DDAH1: variants seen among roughly 807,000 people sequenced by gnomAD.
DDAH1 encodes dimethylarginine dimethylaminohydrolase 1.
DDAH1 carries 19 observed loss-of-function variants against 28.8 expected under a neutral mutation model. The ratio of observed to expected loss-of-function variants is 0.66; its 90% CI spans 0.46 to 0.97. The LOEUF is 0.97. Ranked by LOEUF, DDAH1 falls within the 50% of genes least tolerant of loss-of-function variation. DDAH1 has a pLI of 0.00. For synonymous variants in DDAH1, 153 were observed against 154.4 expected (o/e 0.99, Z 0.07); for missense variants, 326 against 375.9 (o/e 0.87, Z 1.10).
chr1:85,444,671 G>T (rs1241685158), intron 1 of DDAH1, among the ~76,000 whole-genome samples: 2 of 152,148 alleles, frequency 1.3e-5, no homozygotes, highest in African/African-American at 4.8e-5. Context: ...CATTCACTGA[G>T]CGCCTACTGT....
chr1:85,324,566 A>G (rs919954030), intron 5 of DDAH1, among the ~76,000 whole-genome samples, 174 bp downstream of exon 5: 7 of 152,148 alleles, frequency 4.6e-5, no homozygotes, highest in Non-Finnish European at 2.9e-5. Flanking sequence ...GAGCAATGAC[A>G]TGAATGAGAA....
intron 4 of DDAH1, among the ~76,000 whole-genome samples, chr1:85,330,460 T>C (rs917686195): frequency 2.0e-5 from 3 of 152,146 alleles, no homozygotes; most frequent in African/African-American, 7.2e-5. Flanking sequence ...CAGTGCTGTA[T>C]GTAGTGTTTT....
intron 2 of DDAH1, among the ~76,000 whole-genome samples, chr1:85,356,821 G>A (rs1187277558): frequency 2.0e-5 from 3 of 152,200 alleles, no homozygotes; most frequent in Non-Finnish European, 4.4e-5. Flanking sequence ...GCTAGGGAAA[G>A]ACCTTTGACC....
At chr1:85,572,135 G>C (rs1289378659) in intron 1 of DDAH1, among the ~76,000 whole-genome samples, 1 of 152,136 alleles carries the variant, frequency 6.6e-6, no homozygotes, top group Non-Finnish European at 1.5e-5. Context: ...TTCCACCTCT[G>C]TTCTGACACA....
intron 1 of DDAH1, among the ~76,000 whole-genome samples, chr1:85,457,847 G>A (rs570543018): frequency 2.6e-5 from 4 of 151,962 alleles, no homozygotes; most frequent in South Asian, 4.2e-4. Context: ...CTGCCAGCAC[G>A]CCCAGCTAAT....
chr1:85,500,674 T>C (rs74796967), intron 1 of DDAH1, among the ~76,000 whole-genome samples: 5,448 of 152,246 alleles, frequency 0.036, 180 homozygotes, highest in African/African-American at 0.089. Context: ...TTCTCTTTCA[T>C]CTTTTTCTGG....
chr1:85,449,221 A>AT (rs1398917808), intron 1 of DDAH1, among the ~76,000 whole-genome samples: 1 of 152,214 alleles, frequency 6.6e-6, no homozygotes, highest in East Asian at 1.9e-4. Context: ...ACAGGCCAGC[A>AT]TAAGGCAGGT....
upstream of DDAH1, among the ~76,000 whole-genome samples, chr1:85,468,867 C>T (rs988478765): frequency 3.3e-5 from 5 of 152,160 alleles, no homozygotes; most frequent in African/African-American, 1.2e-4. Flanking sequence ...TTATTCACTA[C>T]CACGAGAACA....
chr1:85,576,406 CCA>C (rs999517112), intron 1 of DDAH1, among the ~76,000 whole-genome samples: 2 of 152,188 alleles, frequency 1.3e-5, no homozygotes, highest in Non-Finnish European at 2.9e-5. Flanking sequence ...CCAGGGCTCC[CCA>C]CACGCGGAAC....
At chr1:85,544,906 C>T (rs1370464752) in intron 1 of DDAH1, among the ~76,000 whole-genome samples, 4 of 152,228 alleles carry the variant, frequency 2.6e-5, no homozygotes, top group East Asian at 1.9e-4. Context: ...CGCACAGATG[C>T]CTGTGAAGAT....
chr1:85,441,051 T>C (rs993128415), intron 1 of DDAH1, among the ~76,000 whole-genome samples: 6 of 152,210 alleles, frequency 3.9e-5, no homozygotes, highest in Admixed American at 6.5e-5. Flanking sequence ...TGCAGATAAA[T>C]GCTGAAATTT....
chr1:85,344,631 T>C (rs1380545884), intron 4 of DDAH1, among the ~76,000 whole-genome samples: 1 of 150,232 alleles, frequency 6.7e-6, no homozygotes, highest in East Asian at 2.0e-4. Flanking sequence ...AATTTTTTTT[T>C]CTCCAATTGA....
At chr1:85,332,316 T>C (rs943593871) in intron 4 of DDAH1, among the ~76,000 whole-genome samples, 2 of 152,016 alleles carry the variant, frequency 1.3e-5, no homozygotes, top group African/African-American at 4.8e-5. Context: ...AGCCCACACA[T>C]TGTACTGCAC....
intron 4 of DDAH1, among the ~76,000 whole-genome samples, chr1:85,344,846 T>C (rs540283384): frequency 1.3e-5 from 2 of 152,324 alleles, no homozygotes; most frequent in South Asian, 2.1e-4. Flanking sequence ...CTCTTTCTTA[T>C]GTCTTTTTCC....
intron 1 of DDAH1, among the ~76,000 whole-genome samples, chr1:85,505,212 C>T (rs1051713245): frequency 1.3e-5 from 2 of 151,868 alleles, no homozygotes; most frequent in African/African-American, 4.8e-5. Context: ...GTCTCCTGAC[C>T]TCAGGTGATC....
chr1:85,407,290 T>A (rs758580047), intron 1 of DDAH1, among the ~76,000 whole-genome samples: 3 of 152,210 alleles, frequency 2.0e-5, no homozygotes, highest in Non-Finnish European at 4.4e-5. Flanking sequence ...CTCAGTATGC[T>A]TGAAAAAATC....
rs1470069120 is a variant in DDAH1 at position 85,319,707 on chromosome 1, G to T, written c.*1745C>A. On this transcript the variant is annotated 3_prime_UTR_variant, in exon 6 of 6. Coordinates refer to ENST00000284031, the MANE Select transcript of DDAH1 (RefSeq NM_012137.4). The stretch of plus-strand genomic sequence containing the variant: ...TGACCAAGACGTGGTTTATTCACAG[G>T]ATGCACATAATTGGATATCTGCATA... The T allele has an allele frequency of 2.6e-5, 4 of 152,308 alleles. No individual in the cohort carries two copies. In the East Asian group the frequency reaches 7.7e-4, roughly 29 times the overall value. 9.4% of individuals were successfully genotyped at this position (152,308 alleles called of 1,614,324 possible).
intron 1 of DDAH1, among the ~76,000 whole-genome samples, chr1:85,431,450 G>T (rs1228836092): frequency 3.3e-5 from 5 of 152,106 alleles, no homozygotes; most frequent in African/African-American, 1.2e-4. Flanking sequence ...GAAAACAAAA[G>T]TTTCAGGGAC....
At chr1:85,432,466 G>A (rs1653731766) in intron 1 of DDAH1, among the ~76,000 whole-genome samples, 1 of 152,038 alleles carries the variant, frequency 6.6e-6, no homozygotes, top group African/African-American at 2.4e-5. Context: ...TTTTATTTTC[G>A]TGTGTATTGT....
Sources: gnomAD v4.1 joint callset for allele counts (sites outside exome capture counted in the v4.1 genomes callset) on GRCh38, gnomAD v4.1.1 for gene constraint, MANE v1.5 for transcripts, NCBI Gene and HGNC (gene_info 2026-07-23, HGNC 2026-07-21) for gene names.